MEMO1: variants seen among roughly 807,000 people sequenced by gnomAD.
MEMO1 encodes mediator of cell motility 1, also known as protein MEMO1.
A neutral mutation model predicts 45.2 loss-of-function variants in MEMO1; 6 were observed. The ratio of observed to expected loss-of-function variants is 0.13; its 90% confidence interval spans 0.07 to 0.26. The LOEUF (loss-of-function observed/expected upper bound fraction) is 0.26. Among genes scored for constraint, MEMO1 ranks in the 10% least tolerant of loss-of-function variants. The pLI is 1.00. For synonymous variants in MEMO1, 78 were observed against 124.3 expected (o/e 0.63, Z 2.48); for missense variants, 184 against 370.5 (o/e 0.50, Z 4.13).
intron 6 of MEMO1, among the ~76,000 whole-genome samples, chr2:31,904,960 G>A (rs1679448533): frequency 1.3e-5 from 2 of 152,188 alleles, no homozygotes; most frequent in African/African-American, 2.4e-5. Context: ...CAGGCTGGGC[G>A]CAATGGCTCA....
At chr2:31,931,254 GGTCTGT>G (rs563737106) in intron 4 of MEMO1, among the ~76,000 whole-genome samples, 94 of 152,216 alleles carry the variant, frequency 6.2e-4, no homozygotes, top group Admixed American at 6.1e-3. Context: ...AAAGGCAAGT[GGTCTGT>G]GCATGATTTT....
chr2:31,982,606 A>G (rs1217239110), intron 2 of MEMO1, among the ~76,000 whole-genome samples: 1 of 151,542 alleles, frequency 6.6e-6, no homozygotes, highest in Non-Finnish European at 1.5e-5. Flanking sequence ...AAAAAAAAAA[A>G]AGATACGTAT....
At chr2:31,936,397 C>T (rs180931255) in intron 3 of MEMO1, among the ~76,000 whole-genome samples, 13 of 152,310 alleles carry the variant, frequency 8.5e-5, no homozygotes, top group Admixed American at 3.9e-4. Context: ...ATACCTACAA[C>T]ATTTTATCAA....
At chr2:31,875,250 T>G (rs753336642) in intron 8 of MEMO1, among the ~76,000 whole-genome samples, 1 of 152,156 alleles carries the variant, frequency 6.6e-6, no homozygotes, top group Non-Finnish European at 1.5e-5. Flanking sequence ...TAAAATTATG[T>G]TCCAGTAATT....
At chr2:31,968,332 G>A (rs2148444897) in intron 2 of MEMO1, among the ~76,000 whole-genome samples, 1 of 152,310 alleles carries the variant, frequency 6.6e-6, no homozygotes. Flanking sequence ...CTAACACCAA[G>A]GGACCCAAAG....
intron 4 of MEMO1, among the ~76,000 whole-genome samples, chr2:31,929,108 G>A (rs1269472003): frequency 1.3e-5 from 2 of 151,954 alleles, no homozygotes; most frequent in African/African-American, 4.8e-5. Context: ...CTGGATTACA[G>A]GAATTACATA....
At chr2:31,916,361 T>A (rs1235949507) in intron 6 of MEMO1, among the ~76,000 whole-genome samples, 1 of 152,056 alleles carries the variant, frequency 6.6e-6, no homozygotes, top group Non-Finnish European at 1.5e-5. Context: ...CCCAAGTAGC[T>A]GGGACAACAA....
chr2:31,899,336 T>G (rs752549265), intron 6 of MEMO1, among the ~76,000 whole-genome samples: 3 of 151,970 alleles, frequency 2.0e-5, no homozygotes, highest in African/African-American at 4.8e-5. Context: ...CCAAAACAGA[T>G]ATATAGACCA....
chr2:31,971,243 T>C (rs1669359126), intron 2 of MEMO1, among the ~76,000 whole-genome samples: 3 of 152,096 alleles, frequency 2.0e-5, no homozygotes, highest in South Asian at 4.1e-4. Context: ...CCCAGAAAAA[T>C]GTAAGCATAA....
intron 3 of MEMO1, among the ~76,000 whole-genome samples, chr2:31,933,921 A>G (rs1050720517): frequency 1.3e-5 from 2 of 152,190 alleles, no homozygotes; most frequent in Non-Finnish European, 2.9e-5. Flanking sequence ...GAGCCTTACC[A>G]GGAGACCTAT....
At chr2:32,004,682 G>A (rs1005466717) in intron 2 of MEMO1, among the ~76,000 whole-genome samples, 1 of 152,074 alleles carries the variant, frequency 6.6e-6, no homozygotes, top group Non-Finnish European at 1.5e-5. Context: ...CAGTACTTTG[G>A]GAGGCTGAGG....
chr2:31,962,165 G>A (rs1668080692), intron 2 of MEMO1, among the ~76,000 whole-genome samples: 1 of 152,110 alleles, frequency 6.6e-6, no homozygotes, highest in African/African-American at 2.4e-5. Context: ...AAGGCGAGAG[G>A]ATTGAGTCCA....
At chr2:31,903,792 C>A (rs143151625) in intron 6 of MEMO1, among the ~76,000 whole-genome samples, 1 of 152,118 alleles carries the variant, frequency 6.6e-6, no homozygotes, top group African/African-American at 2.4e-5. Context: ...ATACAAATAA[C>A]TGTAAATATA....
chr2:31,937,988 A>G (rs1665120416), intron 3 of MEMO1, among the ~76,000 whole-genome samples: 1 of 152,222 alleles, frequency 6.6e-6, no homozygotes, highest in African/African-American at 2.4e-5. Context: ...CTTTTAGCTC[A>G]TGAGATCATT....
rs1457388284 is a variant in MEMO1, at chr2:31,873,315, T to C, written c.658-3363A>G. 2.0e-5 allele frequency among the ~76,000 whole-genome samples: 3 copies of C among 152,122 alleles called. No individual in the cohort carries two copies. In the East Asian group the frequency reaches 5.8e-4, roughly 29 times the overall value. On this transcript the variant is annotated intron_variant, in intron 8 of 9. Coordinates refer to ENST00000404530, the MANE Select transcript of MEMO1 (RefSeq NM_001301833.4). ...ACACCAAAAGCCCATCCATCAAGGA[T>C]ACAGGTTTCTGAGGAATTTAAGTTT...
At chr2:31,899,252 G>A (rs765395552) in intron 6 of MEMO1, among the ~76,000 whole-genome samples, 2 of 152,100 alleles carry the variant, frequency 1.3e-5, no homozygotes, top group Non-Finnish European at 1.5e-5. Flanking sequence ...AAAGAACAAA[G>A]CTGGAAGCAT....
intron 8 of MEMO1, among the ~76,000 whole-genome samples, chr2:31,878,475 G>A (rs892083485): frequency 6.6e-6 from 1 of 151,928 alleles, no homozygotes; most frequent in East Asian, 1.9e-4. Flanking sequence ...TTAGGAAAGT[G>A]GAAGGATAGG....
At chr2:31,908,850 C>A (rs1045275355) in intron 6 of MEMO1, among the ~76,000 whole-genome samples, 4 of 152,162 alleles carry the variant, frequency 2.6e-5, no homozygotes, top group Non-Finnish European at 5.9e-5. Context: ...ATACCCAAAT[C>A]CAGCCCCCTC....
At chr2:31,899,923 G>GA (rs1678520255) in intron 6 of MEMO1, among the ~76,000 whole-genome samples, 1 of 152,182 alleles carries the variant, frequency 6.6e-6, no homozygotes, top group African/African-American at 2.4e-5. Flanking sequence ...ACAAATATAT[G>GA]AAAAGAAGCT....
Sources: allele counts gnomAD v4.1 joint callset (sites outside exome capture counted in the v4.1 genomes callset), GRCh38; gene constraint gnomAD v4.1.1; transcripts MANE v1.5; gene names NCBI Gene and HGNC (gene_info 2026-07-23, HGNC 2026-07-21).